The following LAMA4 variants were observed in gnomAD, a reference collection of about 807,000 sequenced individuals.
LAMA4 encodes the protein laminin subunit alpha-4.
Under a neutral mutation model 207.1 loss-of-function variants are expected in LAMA4, and 127 were observed. The ratio of observed to expected loss-of-function variants is 0.61; its 90% CI spans 0.53 to 0.71. The LOEUF is 0.71. Ranked by LOEUF, LAMA4 falls within the 30% of genes least tolerant of loss-of-function variation. The pLI, the probability that LAMA4 is intolerant of heterozygous loss-of-function variation, is 0.00. For synonymous variants in LAMA4, 761 were observed against 816.0 expected (o/e 0.93, Z 1.15); for missense variants, 2,093 against 2,246.5 (o/e 0.93, Z 1.38).
Position 112,117,874 on chromosome 6 carries a change from C to T in LAMA4, c.4846G>A (p.Gly1616Ser). The change falls in exon 35 of 39, where the codon GGC (glycine) becomes AGC (serine). Residue 1616 changes from glycine (G) to serine (S), a missense_variant. Gly to Ser is a moderately conservative substitution (Grantham distance 56). Coordinates refer to ENST00000230538, the MANE Select transcript of LAMA4 (RefSeq NM_001105206.3). The surrounding 1 kb of genome is among the most constrained non-coding windows in gnomAD (Gnocchi z 4.5). ...TTGAGCTGGAGATTGCTGAGACAGCCACTAAAACTGTAGATGGAGTTAATC... is the reference window on the plus strand; with the variant it reads ...TTGAGCTGGAGATTGCTGAGACAGCTACTAAAACTGTAGATGGAGTTAATC... ...VQINSIYSFS[G>S]CLSNLQLNGA... 6.2e-7 allele frequency: 1 copy of T among 1,613,492 alleles called. No individual in the cohort carries two copies. Among genetic ancestry groups the T allele is most frequent in the Non-Finnish European group, 8.5e-7 (1 of 1,179,602 alleles).
chr6:112,139,345 C>T, intron 23 of LAMA4, 54 bp from the exon 24 acceptor site: 2 of 1,583,434 alleles, frequency 1.3e-6, no homozygotes, highest in East Asian at 2.2e-5. Context: ...TTATGCTTTT[C>T]AAGTGAAGCC....
In LAMA4 at chr6:112,117,881, A is replaced by G. The variant is rs782331970; in HGVS notation, c.4839T>C (p.Ser1613=). 4.8e-5 allele frequency: 78 copies of G among 1,613,272 alleles called. No individual in the cohort carries two copies. The highest frequency in any genetic ancestry group is 6.4e-5 in the Non-Finnish European group (76 of 1,179,532). The change falls in exon 35 of 39, where the codon AGT becomes AGC. Residue 1613 remains serine, a synonymous_variant. Coordinates refer to ENST00000230538, the MANE Select transcript of LAMA4 (RefSeq NM_001105206.3). The surrounding 1 kb of genome is among the most constrained non-coding windows in gnomAD (Gnocchi z 4.5). ...VKNVQINSIY[S]FSGCLSNLQL... ...GGAGATTGCTGAGACAGCCACTAAA[A>G]CTGTAGATGGAGTTAATCTGAGGGA...
intron 5 of LAMA4, among the ~76,000 whole-genome samples, chr6:112,195,407 A>G (rs967081559): frequency 1.3e-5 from 2 of 152,204 alleles, no homozygotes; most frequent in Non-Finnish European, 2.9e-5. Context: ...CTCTATGCAA[A>G]CAACAGGGTC....
At chr6:112,214,106 G>A in intron 3 of LAMA4, 5 of 708,128 alleles carry the variant, frequency 7.1e-6, no homozygotes, top group Non-Finnish European at 1.0e-5. Flanking sequence ...AGAAAAAAAT[G>A]AGTTTGATTC....
At chr6:112,143,298 T>G (rs1040933660) in intron 19 of LAMA4, among the ~76,000 whole-genome samples, 1 of 151,008 alleles carries the variant, frequency 6.6e-6, no homozygotes, top group Admixed American at 6.6e-5. Context: ...TTTTTTTTTT[T>G]TTTTTTGAGA....
chr6:112,188,514 C>A (rs1239510050), intron 7 of LAMA4, among the ~76,000 whole-genome samples: 2 of 152,162 alleles, frequency 1.3e-5, no homozygotes, highest in African/African-American at 4.8e-5. Context: ...GACCAAGATA[C>A]ATCTGTTTGG....
At chr6:112,120,202 A>G in intron 33 of LAMA4, 81 bp downstream of exon 33, 2 of 1,122,562 alleles carry the variant, frequency 1.8e-6, no homozygotes, top group Non-Finnish European at 2.6e-6. Context: ...ATATTTCTAG[A>G]GAGAGTAATG....
Position 112,129,898 on chromosome 6 carries a change from T to C in LAMA4, c.4111A>G (p.Ile1371Val). Residue 1371 changes from isoleucine (I) to valine (V), a missense_variant, in exon 30 of 39, where the codon ATA (isoleucine) becomes GTA (valine). Physicochemically the swap from Ile to Val is conservative, Grantham distance 29. This residue lies in a region of LAMA4 where 1,704 missense variants were observed against 1,788.4 expected (regional missense o/e 0.95). Coordinates refer to ENST00000230538, the MANE Select transcript of LAMA4 (RefSeq NM_001105206.3). ...SAQYANFTGC[I>V]SNAYFTRVDR... ...TACCTGGTAAAGTAGGCATTACTTA[T>C]GCAGCCAGTGAAATTAGCATACTGA... The C allele has an allele frequency of 1.2e-6, 2 of 1,609,254 alleles. No homozygotes were observed. The highest frequency in any genetic ancestry group is 1.7e-6 in the Non-Finnish European group (2 of 1,177,182).
At chr6:112,136,691 C>CA (rs57602663) in intron 24 of LAMA4, among the ~76,000 whole-genome samples, 2,613 of 118,112 alleles carry the variant, frequency 0.022, 94 homozygotes, top group African/African-American at 0.073. Flanking sequence ...GACTCTGTCT[C>CA]AAAAAAAAAA....
At chr6:112,155,322 A>G (rs1198172443) in intron 15 of LAMA4, 1 of 574,280 alleles carries the variant, frequency 1.7e-6, no homozygotes, top group Non-Finnish European at 3.1e-6. Flanking sequence ...TTTTTCAGGG[A>G]CTTTGGCTAA....
intron 31 of LAMA4, among the ~76,000 whole-genome samples, chr6:112,127,338 G>A (rs1554327975): frequency 6.6e-6 from 1 of 152,010 alleles, no homozygotes; most frequent in Admixed American, 6.6e-5. Context: ...ATTCAATAGG[G>A]TGTCAATGTA....
intron 5 of LAMA4, among the ~76,000 whole-genome samples, chr6:112,192,238 G>A (rs938733661): frequency 2.0e-5 from 3 of 152,232 alleles, no homozygotes; most frequent in Non-Finnish European, 4.4e-5. Context: ...AACGTTAATA[G>A]CACCTCTATT....
chr6:112,110,822 G>A (rs587721704), intron 38 of LAMA4, among the ~76,000 whole-genome samples: 1 of 152,230 alleles, frequency 6.6e-6, no homozygotes, highest in East Asian at 1.9e-4. Flanking sequence ...TCATGTAGCA[G>A]TTAGTGGTCT....
chr6:112,138,259 C>T (rs1305574400), intron 24 of LAMA4, among the ~76,000 whole-genome samples: 1 of 152,074 alleles, frequency 6.6e-6, no homozygotes, highest in African/African-American at 2.4e-5. Context: ...CAAAGACAAC[C>T]TTTGCCACTT....
At chr6:112,165,656 GTATT>G (rs1554339760) in intron 12 of LAMA4, among the ~76,000 whole-genome samples, 1 of 152,202 alleles carries the variant, frequency 6.6e-6, no homozygotes, top group African/African-American at 2.4e-5. Context: ...AATTCAAAAA[GTATT>G]TATCATGTGC....
chr6:112,224,558 G>C (rs1785098359), intron 2 of LAMA4, among the ~76,000 whole-genome samples: 1 of 152,216 alleles, frequency 6.6e-6, no homozygotes, highest in Admixed American at 6.5e-5. Flanking sequence ...GCTCACGCCT[G>C]TAATCCCAGC....
At chr6:112,208,177 A>G (rs1784174235) in intron 3 of LAMA4, among the ~76,000 whole-genome samples, 1 of 152,122 alleles carries the variant, frequency 6.6e-6, no homozygotes, top group Admixed American at 6.5e-5. Context: ...TACTGTTAGA[A>G]TGTCATTGAA....
chr6:112,246,129 A>T (rs1786903651), intron 2 of LAMA4, among the ~76,000 whole-genome samples: 1 of 152,232 alleles, frequency 6.6e-6, no homozygotes, highest in South Asian at 2.1e-4. Flanking sequence ...CCCAGAATTT[A>T]ACTTTACCAC....
chr6:112,194,225 A>T (rs1783282626), intron 5 of LAMA4, among the ~76,000 whole-genome samples: 1 of 152,202 alleles, frequency 6.6e-6, no homozygotes. Context: ...GCCGACTGAA[A>T]TGAGACTCAG....
Sources: gnomAD v4.1 joint callset for allele counts (sites outside exome capture counted in the v4.1 genomes callset) on GRCh38, gnomAD v4.1.1 for gene constraint, gnomAD v4.1.1 regional missense constraint, Gnocchi (gnomAD v3.1) non-coding constraint, MANE v1.5 for transcripts, NCBI Gene and HGNC (gene_info 2026-07-23, HGNC 2026-07-21) for gene names.